NKAIN3: variants seen among roughly 807,000 people sequenced by gnomAD.
The protein encoded by NKAIN3 is sodium/potassium-transporting ATPase subunit beta-1-interacting protein 3.
A neutral mutation model predicts 30.2 loss-of-function variants in NKAIN3; 25 were observed. The observed-to-expected ratio is 0.83, with a 90% confidence interval of 0.60 to 1.16. The LOEUF (loss-of-function observed/expected upper bound fraction) is 1.16. NKAIN3 is among the 50% of genes most tolerant of loss of function. NKAIN3 has a pLI of 0.00. For synonymous variants in NKAIN3, 91 were observed against 89.6 expected (o/e 1.02, Z -0.09); for missense variants, 225 against 254.1 (o/e 0.89, Z 0.78).
At chr8:62,522,498 G>T (rs1808188622) in intron 1 of NKAIN3, among the ~76,000 whole-genome samples, 1 of 151,850 alleles carries the variant, frequency 6.6e-6, no homozygotes, top group South Asian at 2.1e-4. Context: ...ACAGCCTCAG[G>T]CAGGTCCTTC....
chr8:62,387,886 A>T (rs778251895), intron 1 of NKAIN3, among the ~76,000 whole-genome samples: 1 of 152,064 alleles, frequency 6.6e-6, no homozygotes, highest in Non-Finnish European at 1.5e-5. Context: ...AAAGCAAAAA[A>T]CTCTGCTTAT....
At chr8:62,453,884 A>G (rs1192143872) in intron 1 of NKAIN3, among the ~76,000 whole-genome samples, 1 of 152,162 alleles carries the variant, frequency 6.6e-6, no homozygotes, top group Non-Finnish European at 1.5e-5. Context: ...ATAAAAATTA[A>G]AAAGCCTACC....
intron 3 of NKAIN3, among the ~76,000 whole-genome samples, chr8:62,728,334 A>T (rs1429879334): frequency 6.6e-6 from 1 of 152,220 alleles, no homozygotes; most frequent in African/African-American, 2.4e-5. Context: ...ATCATAAAAA[A>T]AAGAATGAAT....
At position 62,402,385 on chromosome 8, in the gene NKAIN3, C is replaced by T. The variant is rs541629843; in HGVS notation, c.54+153258C>T. Among the ~76,000 whole-genome samples, 10 of 152,302 alleles carry T rather than the reference C, an allele frequency of 6.6e-5. 1 individual carries two copies. Among genetic ancestry groups the T allele is most frequent in the African/African-American group, 2.4e-4 (10 of 41,574 alleles). ...AAGAGCCAAGACCTGGAATTGGGAACCTCAAGAGCCCATTTGGTGTTTGAT... is the reference window on the plus strand; with the variant it reads ...AAGAGCCAAGACCTGGAATTGGGAATCTCAAGAGCCCATTTGGTGTTTGAT... On this transcript the variant is annotated intron_variant, in intron 1 of 6. Coordinates refer to ENST00000623646, the MANE Select transcript of NKAIN3 (RefSeq NM_001304533.3).
chr8:62,455,630 T>A (rs1805790277), intron 1 of NKAIN3, among the ~76,000 whole-genome samples: 1 of 152,196 alleles, frequency 6.6e-6, no homozygotes, highest in Admixed American at 6.5e-5. Flanking sequence ...ATGCAATATA[T>A]GCATGTAATA....
At chr8:62,335,879 A>G (rs192383046) in intron 1 of NKAIN3, among the ~76,000 whole-genome samples, 7 of 152,154 alleles carry the variant, frequency 4.6e-5, no homozygotes, top group Admixed American at 3.9e-4. Context: ...TTTGGTTCTG[A>G]CATAGTCCTT....
chr8:62,918,578 C>A, intron 5 of NKAIN3, 65 bp downstream of exon 5: 3 of 1,004,570 alleles, frequency 3.0e-6, no homozygotes, highest in Middle Eastern at 4.1e-4. Context: ...CAAAACTAAT[C>A]ATTACAGGGC....
In NKAIN3 at chr8:62,557,528, T is replaced by A. The variant is rs185072449; in HGVS notation, c.55-22011T>A. Among the ~76,000 whole-genome samples, 27 of 152,320 alleles carry A rather than the reference T, an allele frequency of 1.8e-4. No homozygotes were observed. In the East Asian group the frequency reaches 4.2e-3, roughly 24 times the overall value. ...TACTAGTTTACATTCCCACCAGCAG[T>A]GTAGAAGTGTTCCCTGTTTACCACA... On this transcript the variant is annotated intron_variant, in intron 1 of 6. Transcript: ENST00000623646.
At chr8:62,745,536 A>G (rs1816042308) in intron 3 of NKAIN3, among the ~76,000 whole-genome samples, 2 of 152,170 alleles carry the variant, frequency 1.3e-5, no homozygotes, top group African/African-American at 2.4e-5. Flanking sequence ...TCTTTGGATT[A>G]TTTGGAAGTC....
intron 1 of NKAIN3, among the ~76,000 whole-genome samples, chr8:62,443,003 G>C (rs1805374063): frequency 6.6e-6 from 1 of 151,872 alleles, no homozygotes; most frequent in Non-Finnish European, 1.5e-5. Context: ...AGTTCATTCA[G>C]CATTGACTTT....
chr8:62,388,500 T>C (rs1360109247), intron 1 of NKAIN3, among the ~76,000 whole-genome samples: 1 of 152,250 alleles, frequency 6.6e-6, no homozygotes, highest in African/African-American at 2.4e-5. Context: ...CAAATGGGGA[T>C]GGGCAGAACT....
chr8:62,818,857 A>G (rs1053930670), intron 4 of NKAIN3, among the ~76,000 whole-genome samples: 5 of 152,028 alleles, frequency 3.3e-5, no homozygotes, highest in Admixed American at 2.0e-4. Flanking sequence ...GAGGAATTTT[A>G]TGGGATAACT....
intron 1 of NKAIN3, among the ~76,000 whole-genome samples, chr8:62,296,332 C>T (rs1374930614): frequency 2.6e-5 from 4 of 152,264 alleles, no homozygotes; most frequent in East Asian, 3.9e-4. Flanking sequence ...AAAAGCTTGA[C>T]TAACTAAATT....
chr8:62,825,941 G>A (rs376655345), intron 4 of NKAIN3, among the ~76,000 whole-genome samples: 3 of 152,152 alleles, frequency 2.0e-5, no homozygotes, highest in African/African-American at 7.2e-5. Context: ...CAGCCATGCC[G>A]TGAAAACTGA....
intron 5 of NKAIN3, among the ~76,000 whole-genome samples, chr8:62,993,371 CTT>C (rs1804019377): frequency 6.6e-6 from 1 of 152,226 alleles, no homozygotes; most frequent in East Asian, 1.9e-4. Flanking sequence ...TTTACCAACA[CTT>C]AAGAAAATTG....
chr8:62,856,769 C>A, intron 4 of NKAIN3: 1 of 662,160 alleles, frequency 1.5e-6, no homozygotes, highest in South Asian at 1.7e-5. Context: ...CTGGCTTATC[C>A]AACTCCTGTA....
At chr8:62,635,665 A>C (rs1812103402) in intron 3 of NKAIN3, among the ~76,000 whole-genome samples, 1 of 152,108 alleles carries the variant, frequency 6.6e-6, no homozygotes, top group Non-Finnish European at 1.5e-5. Flanking sequence ...TGTCATGTGA[A>C]GATAGAGTGA....
intron 1 of NKAIN3, among the ~76,000 whole-genome samples, chr8:62,561,279 G>A (rs1585948363): frequency 6.6e-6 from 1 of 152,094 alleles, no homozygotes; most frequent in Admixed American, 6.6e-5. Context: ...ACTTTTTAGA[G>A]TTATTTTGTG....
intron 3 of NKAIN3, among the ~76,000 whole-genome samples, chr8:62,624,977 T>C (rs1482408463): frequency 1.3e-5 from 2 of 152,060 alleles, no homozygotes; most frequent in Non-Finnish European, 2.9e-5. Context: ...ATTGCTCTTT[T>C]TACATCGTCT....
Sources: gnomAD v4.1 joint callset for allele counts (sites outside exome capture counted in the v4.1 genomes callset) on GRCh38, gnomAD v4.1.1 for gene constraint, MANE v1.5 for transcripts, NCBI Gene and HGNC (gene_info 2026-07-23, HGNC 2026-07-21) for gene names.